The following HIVEP3 variants were observed in gnomAD, a reference collection of about 807,000 sequenced individuals.
HIVEP3 encodes HIVEP zinc finger 3, also known as transcription factor HIVEP3.
Under a neutral mutation model 152.8 loss-of-function variants are expected in HIVEP3, and 49 were observed. The ratio of observed to expected loss-of-function variants is 0.32; its 90% CI spans 0.26 to 0.41. HIVEP3 has a LOEUF of 0.41. Among genes scored for constraint, HIVEP3 ranks in the 10% least tolerant of loss-of-function variants. The probability of loss-of-function intolerance (pLI) is 1.00; values close to 1 mark genes in which losing one functional copy is unlikely to be tolerated. For synonymous variants in HIVEP3, 1,269 were observed against 1,289.0 expected, an observed-to-expected ratio of 0.98 and a Z score of 0.33; for missense variants, 2,790 against 3,103.3, an observed-to-expected ratio of 0.90 and a Z score of 2.40.
chr1:41,831,880 C>T (rs951552274), intron 1 of HIVEP3, among the ~76,000 whole-genome samples: 1 of 152,078 alleles, frequency 6.6e-6, no homozygotes. Context: ...GACTCTTAAC[C>T]CCACCTTGGA....
intron 1 of HIVEP3, among the ~76,000 whole-genome samples, chr1:41,793,579 T>C (rs917191710): frequency 1.3e-5 from 2 of 152,114 alleles, no homozygotes; most frequent in African/African-American, 2.4e-5. Context: ...ACAAAATATA[T>C]ATTTAATGTC....
chr1:41,582,646 C>T lies in HIVEP3; in HGVS notation c.2152G>A (p.Glu718Lys), dbSNP rs1043977851. Residue 718 changes from glutamate to lysine, a missense_variant, in exon 4 of 9, where the codon GAG (glutamate) becomes AAG (lysine). By Grantham distance (56) the Glu-to-Lys change is moderately conservative. Coordinates refer to ENST00000372583, the MANE Select transcript of HIVEP3 (RefSeq NM_024503.5). The surrounding 1 kb of genome is among the most constrained non-coding windows in gnomAD (Gnocchi z 4.7). ...ELTPLRKRRK[E>K]KSLGDEEEPP... ...TCTTCCTCGTCCCCAAGGCTCTTCT[C>T]TTTCCTCCTCTTCCTCAGTGGAGTG... The T allele has an allele frequency of 1.9e-6, 3 of 1,614,146 alleles. No individual in the cohort carries two copies. The highest frequency in any genetic ancestry group is 1.7e-6 in the Non-Finnish European group (2 of 1,180,020).
At chr1:41,654,010 C>T (rs947978175) in intron 2 of HIVEP3, among the ~76,000 whole-genome samples, 1 of 151,358 alleles carries the variant, frequency 6.6e-6, no homozygotes, top group Non-Finnish European at 1.5e-5. Flanking sequence ...GCCTTTCCAG[C>T]CCTCTGACTC....
At chr1:41,843,031 A>C (rs190388477) in intron 1 of HIVEP3, among the ~76,000 whole-genome samples, 1 of 152,282 alleles carries the variant, frequency 6.6e-6, no homozygotes, top group African/African-American at 2.4e-5. Context: ...TGCTGGGAGG[A>C]CAGGAATGCA....
At chr1:41,853,896 G>C (rs1643676903) in intron 1 of HIVEP3, among the ~76,000 whole-genome samples, 1 of 152,170 alleles carries the variant, frequency 6.6e-6, no homozygotes, top group Admixed American at 6.5e-5. Context: ...AGAGAAGCCT[G>C]TCTGTAAATG....
Position 41,585,203 on chromosome 1 carries a change from C to A in HIVEP3, c.-406G>T, listed in dbSNP as rs1171352900. 2.5e-6 allele frequency: 1 copy of A among 399,208 alleles called. No individual in the cohort carries two copies. The highest frequency in any genetic ancestry group is 4.4e-6 in the Non-Finnish European group (1 of 226,250). 24.7% of individuals were successfully genotyped at this position (399,208 alleles called of 1,614,324 possible). A position where few individuals can be genotyped will look rare whatever the true frequency, so the allele number is the denominator to read the frequency against. On this transcript the variant is annotated 5_prime_UTR_variant, in exon 4 of 9. Transcript: ENST00000372583. The stretch of plus-strand genomic sequence containing the variant: ...GTTGGAGACATCTGTGTCCATGGCC[C>A]AGTCATCCCTGGTCCTGGCACAAGA...
At chr1:41,707,972 G>A (rs1646459137) in intron 1 of HIVEP3, among the ~76,000 whole-genome samples, 1 of 152,238 alleles carries the variant, frequency 6.6e-6, no homozygotes, top group South Asian at 2.1e-4. Flanking sequence ...CTTGAAGAAA[G>A]ATTCAGGGAT....
intron 1 of HIVEP3, among the ~76,000 whole-genome samples, chr1:41,982,418 C>T (rs774633625): frequency 1.3e-5 from 2 of 152,150 alleles, no homozygotes; most frequent in Non-Finnish European, 2.9e-5. Flanking sequence ...CGCAGCCCTA[C>T]CTTATTTTGA....
At chr1:41,674,496 G>A (rs1645924359) in intron 2 of HIVEP3, among the ~76,000 whole-genome samples, 1 of 152,232 alleles carries the variant, frequency 6.6e-6, no homozygotes, top group Admixed American at 6.5e-5. Flanking sequence ...AGGGGAAAAG[G>A]AGAAAGGGCA....
At chr1:41,991,979 C>G (rs371410663) in intron 1 of HIVEP3, among the ~76,000 whole-genome samples, 7 of 148,340 alleles carry the variant, frequency 4.7e-5, no homozygotes, top group African/African-American at 1.8e-4. Flanking sequence ...CAATAAATTA[C>G]GTATTGATGG....
At chr1:41,647,096 G>A (rs1461636627) in intron 2 of HIVEP3, among the ~76,000 whole-genome samples, 1 of 152,154 alleles carries the variant, frequency 6.6e-6, no homozygotes, top group East Asian at 1.9e-4. Flanking sequence ...GGACCTTGTG[G>A]GTAATCCAGG....
At chr1:41,823,247 A>G (rs1425850475) in intron 1 of HIVEP3, among the ~76,000 whole-genome samples, 4 of 152,196 alleles carry the variant, frequency 2.6e-5, no homozygotes, top group Non-Finnish European at 5.9e-5. Context: ...GAGAAAATAA[A>G]TTTCTGTTGT....
intron 2 of HIVEP3, among the ~76,000 whole-genome samples, chr1:41,680,684 C>A (rs1190511636): frequency 6.6e-6 from 1 of 152,198 alleles, no homozygotes; most frequent in Non-Finnish European, 1.5e-5. Context: ...CCTAATCAAC[C>A]GGCATCAAGT....
intron 6 of HIVEP3, among the ~76,000 whole-genome samples, chr1:41,520,829 C>T (rs1299967875): frequency 6.6e-6 from 1 of 152,192 alleles, no homozygotes; most frequent in Non-Finnish European, 1.5e-5. Context: ...TGAGGTTCTC[C>T]CTGCTTCTGA....
intron 1 of HIVEP3, among the ~76,000 whole-genome samples, chr1:41,785,392 A>G (rs1005844824): frequency 6.6e-6 from 1 of 152,222 alleles, no homozygotes; most frequent in African/African-American, 2.4e-5. Context: ...AAATCCACTT[A>G]CAGGGATTTA....
At chr1:41,884,156 G>A (rs913255495) in intron 1 of HIVEP3, among the ~76,000 whole-genome samples, 2 of 152,080 alleles carry the variant, frequency 1.3e-5, no homozygotes, top group Admixed American at 6.6e-5. Flanking sequence ...AGTAGAGATG[G>A]GGTTTCATCA....
chr1:41,843,485 C>T (rs1401080232), intron 1 of HIVEP3, among the ~76,000 whole-genome samples: 1 of 152,182 alleles, frequency 6.6e-6, no homozygotes, highest in Non-Finnish European at 1.5e-5. Flanking sequence ...ACGCCATCCT[C>T]CCACAAACTC....
intron 1 of HIVEP3, among the ~76,000 whole-genome samples, chr1:41,972,429 C>T (rs915514399): frequency 6.6e-5 from 10 of 152,174 alleles, no homozygotes; most frequent in African/African-American, 2.4e-4. Context: ...AGGCAGTGGG[C>T]CAGGCATAGG....
At chr1:41,623,562 G>A (rs71652200) in intron 3 of HIVEP3, among the ~76,000 whole-genome samples, 4,519 of 152,244 alleles carry the variant, frequency 0.03, 77 homozygotes, top group Middle Eastern at 0.075. Context: ...CTAGCCCATG[G>A]CCTCCAAAAA....
Sources: gnomAD v4.1 joint callset for allele counts (sites outside exome capture counted in the v4.1 genomes callset) on GRCh38, gnomAD v4.1.1 for gene constraint, Gnocchi (gnomAD v3.1) non-coding constraint, MANE v1.5 for transcripts, NCBI Gene and HGNC (gene_info 2026-07-23, HGNC 2026-07-21) for gene names.